The following TMTC2 variants were observed in gnomAD, a reference collection of about 807,000 sequenced individuals.
TMTC2 encodes the protein protein O-mannosyl-transferase TMTC2.
Under a neutral mutation model 82.4 loss-of-function variants are expected in TMTC2, and 43 were observed. The ratio of observed to expected loss-of-function variants is 0.52; its 90% CI spans 0.41 to 0.67. The LOEUF (loss-of-function observed/expected upper bound fraction) is 0.67, where lower values mean the gene tolerates loss of function less well. TMTC2 is among the 30% of genes least tolerant of loss of function. The pLI, the probability that TMTC2 is intolerant of heterozygous loss-of-function variation, is 0.00. For synonymous variants in TMTC2, 408 were observed against 381.9 expected (o/e 1.07, Z -0.80); for missense variants, 919 against 1,012.4 (o/e 0.91, Z 1.25).
chr12:83,049,201 A>G (rs1422702597), intron 9 of TMTC2, among the ~76,000 whole-genome samples: 2 of 152,070 alleles, frequency 1.3e-5, no homozygotes, highest in African/African-American at 4.8e-5. Flanking sequence ...ATACACGTGC[A>G]GGTTTGCTAT....
intron 4 of TMTC2, among the ~76,000 whole-genome samples, chr12:82,950,290 C>T (rs1367698773): frequency 6.6e-6 from 1 of 152,128 alleles, no homozygotes; most frequent in Non-Finnish European, 1.5e-5. Context: ...AAAACTTAAA[C>T]CCCAAGTATT....
At chr12:83,097,666 G>C (rs1473023168) in intron 11 of TMTC2, among the ~76,000 whole-genome samples, 1 of 152,180 alleles carries the variant, frequency 6.6e-6, no homozygotes, top group African/African-American at 2.4e-5. Context: ...AATGATGCAT[G>C]CTATATTTAT....
intron 1 of TMTC2, among the ~76,000 whole-genome samples, chr12:82,771,241 C>T (rs986437976): frequency 2.7e-5 from 4 of 147,596 alleles, no homozygotes; most frequent in Non-Finnish European, 4.5e-5. Context: ...CGAATGCAAG[C>T]GAGTTTGCCT....
chr12:83,119,454 G>A (rs1301441522), intron 11 of TMTC2, among the ~76,000 whole-genome samples: 2 of 152,150 alleles, frequency 1.3e-5, no homozygotes, highest in Non-Finnish European at 2.9e-5. Flanking sequence ...GCATGGTTCT[G>A]AAGGTTCCTT....
intron 11 of TMTC2, among the ~76,000 whole-genome samples, chr12:83,108,588 C>T (rs145187901): frequency 0.016 from 2,399 of 150,944 alleles, 83 homozygotes; most frequent in African/African-American, 0.056. Flanking sequence ...CAAGATCGCG[C>T]GACTGCACTC....
chr12:83,004,249 A>G (rs537708537), intron 8 of TMTC2, among the ~76,000 whole-genome samples: 3 of 152,076 alleles, frequency 2.0e-5, no homozygotes, highest in African/African-American at 7.2e-5. Context: ...CTTTCTTAAA[A>G]TGGCTATTGC....
In TMTC2 at chr12:83,051,019, G is replaced by C. The variant is rs1882326089; in HGVS notation, c.2267+1G>C. On this transcript the variant is annotated splice_donor_variant, in intron 10 of 11. Coordinates refer to ENST00000321196, the MANE Select transcript of TMTC2 (RefSeq NM_152588.3). LOFTEE classifies it high-confidence loss of function. ...TCTTCAATGCTGCCCACATGCTCAGGTTAGTTTTTTTGCTGCTGTGCCTCA... is the reference window on the plus strand; with the variant it reads ...TCTTCAATGCTGCCCACATGCTCAGCTTAGTTTTTTTGCTGCTGTGCCTCA... The C allele has an allele frequency of 1.9e-6, 3 of 1,601,342 alleles. No individual in the cohort carries two copies. The highest frequency in any genetic ancestry group is 1.7e-6 in the Non-Finnish European group (2 of 1,174,474).
intron 7 of TMTC2, among the ~76,000 whole-genome samples, chr12:82,977,853 A>G (rs1878748923): frequency 6.6e-6 from 1 of 151,828 alleles, no homozygotes; most frequent in Non-Finnish European, 1.5e-5. Flanking sequence ...TGAATAGACA[A>G]CAAACTGAAT....
At position 82,713,992 on chromosome 12, in the gene TMTC2, A is replaced by G. The variant is rs1873772674; in HGVS notation, c.83+26323A>G. Among the ~76,000 whole-genome samples, 2 of 152,216 alleles carry G rather than the reference A, an allele frequency of 1.3e-5. 1 individual carries two copies. Among genetic ancestry groups the G allele is most frequent in the Non-Finnish European group, 2.9e-5 (2 of 68,040 alleles). On this transcript the variant is annotated intron_variant, in intron 1 of 11. Coordinates refer to ENST00000321196, the MANE Select transcript of TMTC2 (RefSeq NM_152588.3). ...GCATTTCACATGGACTGTCTCATTTATTTCTTATAATAATCACGTGAGGTG... is the reference window on the plus strand; with the variant it reads ...GCATTTCACATGGACTGTCTCATTTGTTTCTTATAATAATCACGTGAGGTG...
chr12:82,997,519 A>G (rs930796745), intron 8 of TMTC2, among the ~76,000 whole-genome samples: 1 of 147,016 alleles, frequency 6.8e-6, no homozygotes, highest in African/African-American at 2.5e-5. Flanking sequence ...TTACCTTTAT[A>G]TATTTGCTTT....
chr12:83,024,115 G>A (rs2020370), intron 8 of TMTC2, among the ~76,000 whole-genome samples: 106,288 of 152,016 alleles, frequency 0.7, 37,210 homozygotes, highest in East Asian at 0.85. Context: ...TTTTCAGCAT[G>A]TAGAAATGAT....
At chr12:83,099,436 T>G (rs1359921760) in intron 11 of TMTC2, among the ~76,000 whole-genome samples, 1 of 152,230 alleles carries the variant, frequency 6.6e-6, no homozygotes, top group Non-Finnish European at 1.5e-5. Flanking sequence ...ACTTGTGATT[T>G]AGAGCCAAAG....
rs553455055 is a variant in TMTC2, at chr12:83,026,290, G to T, written c.2071-4508G>T. 5.9e-5 allele frequency among the ~76,000 whole-genome samples: 9 copies of T among 152,074 alleles called. 1 individual carries two copies. The highest frequency in any genetic ancestry group is 1.5e-5 in the Non-Finnish European group (1 of 68,028). The stretch of plus-strand genomic sequence containing the variant: ...AGAAGATTCTCCTAGTACCCCTATG[G>T]CTCAAGAAATTACAAGGATTTTAGA... On this transcript the variant is annotated intron_variant, in intron 8 of 11. Coordinates refer to ENST00000321196, the MANE Select transcript of TMTC2 (RefSeq NM_152588.3).
chr12:82,869,783 G>T (rs1872071892), intron 2 of TMTC2, among the ~76,000 whole-genome samples: 1 of 151,512 alleles, frequency 6.6e-6, no homozygotes, highest in Admixed American at 6.6e-5. Context: ...AGGCCGCAGT[G>T]AGCCATGATT....
chr12:82,944,895 T>C (rs986421414), intron 4 of TMTC2, among the ~76,000 whole-genome samples: 2 of 152,238 alleles, frequency 1.3e-5, no homozygotes, highest in Non-Finnish European at 2.9e-5. Context: ...ATTTATCTTA[T>C]GAAATATATG....
intron 11 of TMTC2, among the ~76,000 whole-genome samples, chr12:83,095,227 T>G (rs1448927111): frequency 7.8e-6 from 1 of 128,226 alleles, no homozygotes; most frequent in Non-Finnish European, 1.7e-5. Flanking sequence ...GGTTTTTTTT[T>G]TTGTTTTTTT....
chr12:83,119,672 A>G (rs1236046833), intron 11 of TMTC2, among the ~76,000 whole-genome samples: 1 of 152,116 alleles, frequency 6.6e-6, no homozygotes, highest in Non-Finnish European at 1.5e-5. Flanking sequence ...CTTCCAGGGT[A>G]TAGTTTAAAT....
intron 11 of TMTC2, among the ~76,000 whole-genome samples, chr12:83,095,585 T>C (rs753753887): frequency 2.0e-5 from 3 of 152,148 alleles, no homozygotes; most frequent in Non-Finnish European, 2.9e-5. Context: ...AGTTGCTATA[T>C]CCCGAGACGG....
intron 9 of TMTC2, among the ~76,000 whole-genome samples, chr12:83,032,257 T>TTTTTTATATATATATA: frequency 7.6e-6 from 1 of 130,834 alleles, no homozygotes; most frequent in African/African-American, 2.9e-5. Flanking sequence ...AGAGAATATT[T>TTTTTTATATATATATA]TATATATATA....
Sources: gnomAD v4.1 joint callset for allele counts (sites outside exome capture counted in the v4.1 genomes callset) on GRCh38, gnomAD v4.1.1 for gene constraint, MANE v1.5 for transcripts, NCBI Gene and HGNC (gene_info 2026-07-23, HGNC 2026-07-21) for gene names.